The following TNN variants were observed in gnomAD, a reference collection of about 807,000 sequenced individuals.
The protein encoded by TNN is tenascin N, also known as tenascin-N.
In TNN, 122 loss-of-function variants were observed where a neutral mutation model predicts 134.4. That is an observed-to-expected ratio of 0.91 (90% CI 0.78 to 1.06). TNN has a LOEUF of 1.06. Ranked by LOEUF, TNN falls within the 50% of genes least tolerant of loss-of-function variation. TNN has a pLI of 0.00. For missense variants in TNN, 1,739 were observed against 1,699.4 expected (o/e 1.02, Z -0.41); for synonymous variants, 710 against 670.3 (o/e 1.06, Z -0.91).
At chr1:175,128,801 G>A (rs1233517179) in intron 15 of TNN, 55 bp downstream of exon 15, 5 of 1,541,650 alleles carry the variant, frequency 3.2e-6, no homozygotes, top group Non-Finnish European at 4.4e-6. Flanking sequence ...TCTCAGCCCA[G>A]GATGCCGGTC....
chr1:175,139,289 T>C (rs906547771), intron 17 of TNN, among the ~76,000 whole-genome samples: 3 of 152,272 alleles, frequency 2.0e-5, no homozygotes, highest in Non-Finnish European at 4.4e-5. Context: ...ACACTTCGCT[T>C]AAAACATAAG....
At chr1:175,135,666 T>C (rs1012556376) in intron 15 of TNN, among the ~76,000 whole-genome samples, 179 bp from the exon 16 acceptor site, 1 of 152,254 alleles carries the variant, frequency 6.6e-6, no homozygotes, top group Non-Finnish European at 1.5e-5. Context: ...CTACGGTACA[T>C]ATAAAGAATG....
rs1367087148 is a variant in TNN, at chr1:175,136,042, GC to G, written c.3427+105del. The G allele has an allele frequency of 1.2e-5, 10 of 817,780 alleles. No individual in the cohort carries two copies. In the East Asian group the frequency reaches 2.3e-4, roughly 19 times the overall value. The allele number at this position is 817,780 out of a possible 1,614,324, so 50.7% of individuals were successfully genotyped here. A position where few individuals can be genotyped will look rare whatever the true frequency, so the allele number is the denominator to read the frequency against. ...GGAAGCTCACCACCTTCACAGAGAG[GC>G]CCCAGTGGCAGGGAGACAGAGGACT... On this transcript the variant is annotated intron_variant, in intron 16 of 18. Transcript: ENST00000239462.
intron 8 of TNN, 70 bp from the exon 9 acceptor site, chr1:175,098,247 GGAAGATGAAAATGAT>G: frequency 6.3e-7 from 1 of 1,584,572 alleles, no homozygotes; most frequent in Non-Finnish European, 8.6e-7. Flanking sequence ...AAAGAGCTCT[GGAAGATGAAAATGAT>G]GAAGATGGGG....
intron 9 of TNN, among the ~76,000 whole-genome samples, chr1:175,102,986 G>A (rs1403529776): frequency 1.4e-5 from 2 of 146,370 alleles, no homozygotes; most frequent in African/African-American, 2.5e-5. Context: ...CTTCAGAGGG[G>A]AACTCTCTAG....
intron 1 of TNN, among the ~76,000 whole-genome samples, chr1:175,068,542 A>T (rs1673848651): frequency 6.6e-6 from 1 of 152,198 alleles, no homozygotes; most frequent in Non-Finnish European, 1.5e-5. Context: ...TTAAGACGAC[A>T]ACTTCTCTCG....
intron 1 of TNN, among the ~76,000 whole-genome samples, chr1:175,070,903 C>A (rs1673900778): frequency 6.6e-6 from 1 of 152,116 alleles, no homozygotes; most frequent in South Asian, 2.1e-4. Flanking sequence ...TCACCCAGGG[C>A]CCAAGCTGCA....
intron 7 of TNN, among the ~76,000 whole-genome samples, chr1:175,096,212 C>T (rs1469754509): frequency 6.6e-6 from 1 of 152,212 alleles, no homozygotes; most frequent in East Asian, 1.9e-4. Flanking sequence ...GAGGTGACAC[C>T]TGAACAAAGC....
At chr1:175,129,974 T>C (rs963953806) in intron 15 of TNN, among the ~76,000 whole-genome samples, 14 of 151,442 alleles carry the variant, frequency 9.2e-5, no homozygotes, top group Non-Finnish European at 1.5e-4. Context: ...GTAGATGTTT[T>C]ATTCTCTTGG....
At position 175,090,525 on chromosome 1, in the gene TNN, T is replaced by C. The variant is rs1458995728; in HGVS notation, c.1325-3465T>C. Among the ~76,000 whole-genome samples, 5 of 152,178 alleles carry C rather than the reference T, an allele frequency of 3.3e-5. 1 individual carries two copies. The highest frequency in any genetic ancestry group is 2.6e-4 in the Admixed American group (4 of 15,280). Reference sequence around the variant, plus strand: ...CAGTGCCATCTTCTACTGCACCAACTGGGAGATTCACAGGTGGAAATTGTG... The same window carrying C: ...CAGTGCCATCTTCTACTGCACCAACCGGGAGATTCACAGGTGGAAATTGTG... On this transcript the variant is annotated intron_variant, in intron 6 of 18. Coordinates refer to ENST00000239462, the MANE Select transcript of TNN (RefSeq NM_022093.2).
Position 175,077,741 on chromosome 1 carries a change from T to A in TNN, c.323T>A (p.Leu108His). 1 of 1,614,192 alleles carries A rather than the reference T, an allele frequency of 6.2e-7. No individual in the cohort carries two copies. Among genetic ancestry groups the A allele is most frequent in the Non-Finnish European group, 8.5e-7 (1 of 1,180,022 alleles). Reference sequence around the variant, plus strand: ...GAGTTGGCAGGCAGTGTCCAGGACCTCCTGGCCCGGGTGAAGAAGCTGGAG... The same window carrying A: ...GAGTTGGCAGGCAGTGTCCAGGACCACCTGGCCCGGGTGAAGAAGCTGGAG... ...DCELAGSVQD[L>H]LARVKKLEEE... Residue 108 changes from leucine to histidine, a missense_variant, in exon 2 of 19, where the codon CTC becomes CAC. Transcript: ENST00000239462.
At chr1:175,094,389 T>G (rs1208037826) in intron 7 of TNN, 136 bp downstream of exon 7, 1 of 714,950 alleles carries the variant, frequency 1.4e-6, no homozygotes, top group East Asian at 3.1e-5. Context: ...AAACCAATTT[T>G]GATTTTCATA....
At chr1:175,101,853 A>C (rs1433096623) in intron 9 of TNN, among the ~76,000 whole-genome samples, 1 of 149,842 alleles carries the variant, frequency 6.7e-6, no homozygotes, top group Non-Finnish European at 1.5e-5. Flanking sequence ...GTGCACTCAC[A>C]AACCTTGAGC....
intron 13 of TNN, 85 bp from the exon 14 acceptor site, chr1:175,127,947 G>A (rs1279546817): frequency 6.6e-7 from 1 of 1,520,214 alleles, no homozygotes; most frequent in Non-Finnish European, 9.1e-7. Flanking sequence ...TCTGTCATTA[G>A]CACCAGGGAA....
At chr1:175,100,871 TA>T (rs1187483378) in intron 9 of TNN, among the ~76,000 whole-genome samples, 1 of 152,192 alleles carries the variant, frequency 6.6e-6, no homozygotes, top group East Asian at 1.9e-4. Context: ...GTTTCTTTTT[TA>T]AAAAAATTGA....
intron 12 of TNN, among the ~76,000 whole-genome samples, chr1:175,125,668 TCC>T (rs1675491463): frequency 5.0e-5 from 4 of 79,730 alleles, no homozygotes; most frequent in Non-Finnish European, 1.1e-4. Flanking sequence ...CTTCCTTCTC[TCC>T]CTCCCTCCCT....
At chr1:175,104,368 G>A (rs1263824281) in intron 9 of TNN, among the ~76,000 whole-genome samples, 1 of 145,734 alleles carries the variant, frequency 6.9e-6, no homozygotes, top group Non-Finnish European at 1.5e-5. Context: ...TCTGGTTGGG[G>A]GCTTCTAACC....
intron 12 of TNN, 104 bp downstream of exon 12, chr1:175,123,767 C>G: frequency 6.6e-7 from 1 of 1,525,756 alleles, no homozygotes; most frequent in Non-Finnish European, 8.9e-7. Flanking sequence ...TTGCTTTACC[C>G]GAGGACATTC....
intron 7 of TNN, 80 bp from the exon 8 acceptor site, chr1:175,097,337 C>G: frequency 6.5e-7 from 1 of 1,547,092 alleles, no homozygotes; most frequent in Non-Finnish European, 8.8e-7. Flanking sequence ...TTGAGGTTAT[C>G]ACTTTGACTG....
Sources: gnomAD v4.1 joint callset for allele counts (sites outside exome capture counted in the v4.1 genomes callset) on GRCh38, gnomAD v4.1.1 for gene constraint, MANE v1.5 for transcripts, NCBI Gene and HGNC (gene_info 2026-07-23, HGNC 2026-07-21) for gene names.